Variants in LPIN2 observed in about 807,000 individuals in gnomAD.
LPIN2 encodes phosphatidate phosphatase LPIN2.
In LPIN2, 55 loss-of-function variants were observed where a neutral mutation model predicts 111.4. That is an observed-to-expected ratio of 0.49 (90% CI 0.40 to 0.62). The LOEUF (loss-of-function observed/expected upper bound fraction) is 0.62. Among genes scored for constraint, LPIN2 ranks in the 20% least tolerant of loss-of-function variants. LPIN2 has a pLI of 0.00. For missense variants in LPIN2, 992 were observed against 1,112.1 expected, an observed-to-expected ratio of 0.89 and a Z score of 1.54; for synonymous variants, 425 against 414.0, an observed-to-expected ratio of 1.03 and a Z score of -0.32.
Position 2,925,508 on chromosome 18 carries a change from T to A in LPIN2, c.1794-140A>T. Reference sequence around the variant, plus strand: ...AGTTATCCCTTCTGCCATTCTCCCATATCCACAGCTCTGTACGCCTGAAAT... The same window carrying A: ...AGTTATCCCTTCTGCCATTCTCCCAAATCCACAGCTCTGTACGCCTGAAAT... On this transcript the variant is annotated intron_variant, in intron 13 of 19. Transcript: ENST00000677752. The surrounding 1 kb of genome is among the most constrained non-coding windows in gnomAD (Gnocchi z 4.1). 1 of 1,130,618 alleles carries A rather than the reference T, an allele frequency of 8.8e-7. No individual in the cohort carries two copies. The highest frequency in any genetic ancestry group is 1.3e-6 in the Non-Finnish European group (1 of 770,000). The allele number at this position is 1,130,618 out of a possible 1,614,324, so 70.0% of individuals were successfully genotyped here. A position where few individuals can be genotyped will look rare whatever the true frequency, so the allele number is the denominator to read the frequency against.
At chr18:2,944,679 C>T (rs2077422275) in intron 4 of LPIN2, among the ~76,000 whole-genome samples, 1 of 152,228 alleles carries the variant, frequency 6.6e-6, no homozygotes, top group Middle Eastern at 3.4e-3. Context: ...TACAATTTTA[C>T]ATAGTTTTCC....
At chr18:2,994,965 T>C (rs1057219164) in intron 1 of LPIN2, among the ~76,000 whole-genome samples, 10 of 152,276 alleles carry the variant, frequency 6.6e-5, no homozygotes, top group African/African-American at 2.4e-4. Context: ...CAGGGAGTTT[T>C]ATACCACAGC....
chr18:2,931,637 T>C (rs1394115033), intron 8 of LPIN2, among the ~76,000 whole-genome samples, 194 bp from the exon 9 acceptor site: 2 of 152,198 alleles, frequency 1.3e-5, no homozygotes, highest in Non-Finnish European at 2.9e-5. Context: ...TAACCTAATA[T>C]AGTACCAGTG....
chr18:2,925,318 T>A lies in LPIN2; in HGVS notation c.1844A>T (p.Glu615Val), dbSNP rs2077114820. The A allele has an allele frequency of 6.2e-7, 1 of 1,614,116 alleles. No homozygotes were observed. The highest frequency in any genetic ancestry group is 8.5e-7 in the Non-Finnish European group (1 of 1,179,954). The part of the protein sequence containing the change: ...SSDEGSQELE[E>V]SITVDPIPTE... ...GGGGATGGGGTCCACTGTGATGGATTCTTCGAGCTCCTGTGATCCCTCGTC... is the reference window on the plus strand; with the variant it reads ...GGGGATGGGGTCCACTGTGATGGATACTTCGAGCTCCTGTGATCCCTCGTC... Residue 615 changes from glutamate (E) to valine (V), a missense_variant, in exon 14 of 20, where the codon GAA (glutamate) becomes GTA (valine). Glu to Val is a moderately radical substitution (Grantham distance 121). Coordinates refer to ENST00000677752, the MANE Select transcript of LPIN2 (RefSeq NM_001375808.2). This position sits in a 1 kb window ranked among gnomAD's most constrained non-coding sequence, Gnocchi z 4.1.
At chr18:2,983,941 T>C (rs1003418571) in intron 1 of LPIN2, among the ~76,000 whole-genome samples, 1 of 152,046 alleles carries the variant, frequency 6.6e-6, no homozygotes, top group African/African-American at 2.4e-5. Context: ...TTCAGGCAAG[T>C]TATAGGTAAG....
chr18:2,979,526 C>T (rs1173575657), intron 1 of LPIN2, among the ~76,000 whole-genome samples: 1 of 152,164 alleles, frequency 6.6e-6, no homozygotes, highest in Non-Finnish European at 1.5e-5. Context: ...TAAATATTTG[C>T]TAAATGAAGA....
chr18:2,951,159 G>A lies in LPIN2; in HGVS notation c.486C>T (p.Tyr162=), dbSNP rs754441631. Residue 162 remains tyrosine, a synonymous_variant, in exon 4 of 20, where the codon TAC becomes TAT. Coordinates refer to ENST00000677752, the MANE Select transcript of LPIN2 (RefSeq NM_001375808.2). ...GCTCTTCCTTCTTACTGTCCTGTTT[G>A]TATTTCTTTCTCCTTCGTTTTTTCT... ...VKKKKRRRKK[Y]KQDSKKEEQA... 2 of 1,614,156 alleles carry A rather than the reference G, an allele frequency of 1.2e-6. No homozygotes were observed. Among genetic ancestry groups the A allele is most frequent in the East Asian group, 2.2e-5 (1 of 44,888 alleles).
intron 9 of LPIN2, 117 bp from the exon 10 acceptor site, chr18:2,929,275 A>G: frequency 1.4e-6 from 1 of 724,392 alleles, no homozygotes; most frequent in South Asian, 1.7e-5. Flanking sequence ...AAAAAAACTA[A>G]TTTTTGAATA....
intron 1 of LPIN2, among the ~76,000 whole-genome samples, chr18:2,974,283 T>C (rs940558024): frequency 5.9e-5 from 9 of 152,290 alleles, no homozygotes; most frequent in African/African-American, 2.2e-4. Flanking sequence ...TTTCACCGTG[T>C]TAGCCAGGAT....
rs367921036 is a variant in LPIN2 at position 2,922,037 on chromosome 18, G to A, written c.2327+10C>T. On this transcript the variant is annotated intron_variant, in intron 17 of 19. Transcript: ENST00000677752. ...GGCGGTGGGCAGAGGGCTGCCTGCC[G>A]GAGAGGTACCTGTGGAAGGCGGAGA... 4.2e-5 allele frequency: 68 copies of A among 1,610,480 alleles called. No homozygotes were observed. The highest frequency in any genetic ancestry group is 3.1e-4 in the African/African-American group (23 of 74,968).
chr18:2,926,850 C>T, intron 12 of LPIN2, 45 bp from the exon 13 acceptor site: 1 of 1,500,712 alleles, frequency 6.7e-7, no homozygotes, highest in Non-Finnish European at 9.2e-7. Context: ...TTTTTCCCTA[C>T]AGATAAGCCA....
At chr18:2,949,099 G>A (rs944318178) in intron 4 of LPIN2, among the ~76,000 whole-genome samples, 13 of 152,046 alleles carry the variant, frequency 8.6e-5, no homozygotes, top group African/African-American at 2.7e-4. Flanking sequence ...TACCGTGCCC[G>A]GCCTTTTAAT....
chr18:2,975,329 G>GAAAA (rs2077993388), intron 1 of LPIN2, among the ~76,000 whole-genome samples: 1 of 152,162 alleles, frequency 6.6e-6, no homozygotes, highest in African/African-American at 2.4e-5. Flanking sequence ...TACCATACAT[G>GAAAA]AAAAATCTTA....
At chr18:2,982,887 C>A in intron 1 of LPIN2, 25 of 357,020 alleles carry the variant, frequency 7.0e-5, no homozygotes, top group South Asian at 1.8e-4. Flanking sequence ...ATGGCTAAAA[C>A]TGAAAGGAAA....
chr18:2,929,063 A>G lies in LPIN2; in HGVS notation c.1550+2T>C. 1 of 1,550,918 alleles carries G rather than the reference A, an allele frequency of 6.4e-7. No homozygotes were observed. The highest frequency in any genetic ancestry group is 1.1e-5 in the South Asian group (1 of 89,546). ...AACAATTATAAAAGCAGGAGTATTT[A>G]CCGATTATATATCCTTATTACAAGG... On this transcript the variant is annotated splice_donor_variant, in intron 10 of 19. Transcript: ENST00000677752. LOFTEE classifies it high-confidence loss of function.
chr18:3,002,236 CAAAAAAAAA>C (rs765641037), intron 1 of LPIN2, among the ~76,000 whole-genome samples: 1 of 82,834 alleles, frequency 1.2e-5, no homozygotes, highest in Non-Finnish European at 2.3e-5. Flanking sequence ...TTCAAAAGAC[CAAAAAAAAA>C]AAAAAAAAAA....
At chr18:2,975,503 T>C (rs2077997854) in intron 1 of LPIN2, among the ~76,000 whole-genome samples, 1 of 152,100 alleles carries the variant, frequency 6.6e-6, no homozygotes, top group African/African-American at 2.4e-5. Flanking sequence ...CCCAGCTAAT[T>C]TTGTATTTTT....
chr18:2,931,560 G>T, intron 8 of LPIN2, 117 bp from the exon 9 acceptor site: 1 of 949,608 alleles, frequency 1.1e-6, no homozygotes, highest in Non-Finnish European at 1.6e-6. Context: ...AAGAACGGAT[G>T]GACCTACAAT....
intron 1 of LPIN2, among the ~76,000 whole-genome samples, chr18:2,965,000 T>C (rs751068395): frequency 2.0e-5 from 3 of 152,234 alleles, no homozygotes; most frequent in Non-Finnish European, 2.9e-5. Context: ...CTAGACACAA[T>C]GGCTCAGATG....
Sources: allele counts gnomAD v4.1 joint callset (sites outside exome capture counted in the v4.1 genomes callset), GRCh38; gene constraint gnomAD v4.1.1; non-coding constraint Gnocchi (gnomAD v3.1); transcripts MANE v1.5; gene names NCBI Gene and HGNC (gene_info 2026-07-23, HGNC 2026-07-21).